Variants in TSPYL5 observed in about 807,000 individuals in gnomAD.
The protein encoded by TSPYL5 is TSPY like 5.
For synonymous variants in TSPYL5, 276 were observed against 236.1 expected (o/e 1.17, Z -1.55); for missense variants, 556 against 555.5 (o/e 1.00, Z -0.01).
chr8:97,276,776 G>A lies in TSPYL5; in HGVS notation c.1069C>T (p.His357Tyr), dbSNP rs146249822. The A allele has an allele frequency of 6.2e-7, 1 of 1,614,152 alleles. No homozygotes were observed. The highest frequency in any genetic ancestry group is 1.3e-5 in the African/African-American group (1 of 75,034). The change falls in exon 1 of 1, where the codon CAC (histidine) becomes TAC (tyrosine). Residue 357 changes from histidine to tyrosine, a missense_variant. By Grantham distance (83) the His-to-Tyr change is moderately conservative. Coordinates refer to ENST00000322128, the MANE Select transcript of TSPYL5 (RefSeq NM_033512.3). ...NRSFFGWFSN[H>Y]SSIESDKIVE... ...ATCTTGTCAGACTCAATGGAGCTGT[G>A]GTTTGAAAACCACCCAAAGAAACTA...
In TSPYL5 at chr8:97,277,626, G is replaced by C; in HGVS notation, c.219C>G (p.Leu73=). The change falls in exon 1 of 1, where the codon CTC becomes CTG. Residue 73 remains leucine (L), a synonymous_variant. Transcript: ENST00000322128. This position sits in a 1 kb window ranked among gnomAD's most constrained non-coding sequence, Gnocchi z 4.5. The part of the protein sequence containing the change: ...EAAASAQLLR[L]GEEAACRLPL... ...GGAGCCGGCAGGCGGCCTCCTCCCC[G>C]AGCCGGAGGAGCTGCGCGGACGCAG... 6.9e-7 allele frequency: 1 copy of C among 1,441,846 alleles called. No homozygotes were observed. The highest frequency in any genetic ancestry group is 9.1e-7 in the Non-Finnish European group (1 of 1,100,250). 89.3% of individuals were successfully genotyped at this position (1,441,846 alleles called of 1,614,324 possible).
In TSPYL5 at chr8:97,276,876, A is replaced by G. The variant is rs1402304127; in HGVS notation, c.969T>C (p.Ser323=). The change falls in exon 1 of 1, where the codon TCT becomes TCC. Residue 323 remains serine, a synonymous_variant. Coordinates refer to ENST00000322128, the MANE Select transcript of TSPYL5 (RefSeq NM_033512.3). ...GGAGCCACTGGATTGGAGTAGAACGAGACACCACCTGGCCAGAAGGACCAC... is the reference window on the plus strand; with the variant it reads ...GGAGCCACTGGATTGGAGTAGAACGGGACACCACCTGGCCAGAAGGACCAC... ...YGCGPSGQVV[S]RSTPIQWLPG... 3 of 1,614,080 alleles carry G rather than the reference A, an allele frequency of 1.9e-6. No homozygotes were observed.
At position 97,277,910 on chromosome 8, in the gene TSPYL5, C is replaced by A. The variant is rs1461277884; in HGVS notation, c.-66G>T. The A allele has an allele frequency of 2.3e-6, 3 of 1,315,392 alleles. No individual in the cohort carries two copies. In the South Asian group the frequency reaches 6.5e-5, roughly 28 times the overall value. The allele number at this position is 1,315,392 out of a possible 1,614,324, so 81.5% of individuals were successfully genotyped here. ...GCGGCTCCTGACGCCAGCTCTCGGT[C>A]GGGACCGAGCGGGTCTCTCCACGGC... On this transcript the variant is annotated 5_prime_UTR_variant, in exon 1 of 1. Coordinates refer to ENST00000322128, the MANE Select transcript of TSPYL5 (RefSeq NM_033512.3). The surrounding 1 kb of genome is among the most constrained non-coding windows in gnomAD (Gnocchi z 4.5).
In TSPYL5 at chr8:97,277,782, G is replaced by A; in HGVS notation, c.63C>T (p.Ala21=). The change falls in exon 1 of 1, where the codon GCC becomes GCT. Residue 21 remains alanine (A), a synonymous_variant. Transcript: ENST00000322128. The surrounding 1 kb of genome is among the most constrained non-coding windows in gnomAD (Gnocchi z 4.5). ...CCGGAGCAGGGCGGACTCGGGCTTT[G>A]GCGCGGCCTTTGCCCCGGTTTTTGG... The part of the protein sequence containing the change: ...SRAKNRGKGR[A]KARVRPAPDD... 6.6e-7 allele frequency: 1 copy of A among 1,510,470 alleles called. No homozygotes were observed. Among genetic ancestry groups the A allele is most frequent in the Non-Finnish European group, 8.8e-7 (1 of 1,134,232 alleles). The allele number at this position is 1,510,470 out of a possible 1,614,324, so 93.6% of individuals were successfully genotyped here. A position where few individuals can be genotyped will look rare whatever the true frequency, so the allele number is the denominator to read the frequency against.
In TSPYL5 at chr8:97,277,164, G is replaced by T; in HGVS notation, c.681C>A (p.Ser227=). The change falls in exon 1 of 1, where the codon TCC becomes TCA. Residue 227 remains serine (S), a synonymous_variant. Coordinates refer to ENST00000322128, the MANE Select transcript of TSPYL5 (RefSeq NM_033512.3). The surrounding 1 kb of genome is among the most constrained non-coding windows in gnomAD (Gnocchi z 4.5). ...GCAGTCGCAACTGCCCAAACTTCCT[G>T]GAGAGCCGAAGGTAGGCCCTGTCCG... The part of the protein sequence containing the change: ...AQADRAYLRL[S]RKFGQLRLQH... 1 of 1,611,334 alleles carries T rather than the reference G, an allele frequency of 6.2e-7. No homozygotes were observed.
At position 97,276,682 on chromosome 8, in the gene TSPYL5, C is replaced by G. The variant is rs768441495; in HGVS notation, c.1163G>C (p.Arg388Pro). The G allele has an allele frequency of 1.2e-5, 19 of 1,614,072 alleles. No homozygotes were observed. In the East Asian group the frequency reaches 3.1e-4, roughly 26 times the overall value. ...TTCTTTTTCCTTTCCTTTCTCTACA[C>G]GAGCCCCTTCACTCAAAAGGTAGAA... is the stretch of plus-strand genomic sequence containing the variant. ...LQFYLLSEGA[R>P]VEKGKEKEGR... The change falls in exon 1 of 1, where the codon CGT (arginine) becomes CCT (proline). Residue 388 changes from arginine (R) to proline (P), a missense_variant. Physicochemically the swap from Arg to Pro is moderately radical, Grantham distance 103. Coordinates refer to ENST00000322128, the MANE Select transcript of TSPYL5 (RefSeq NM_033512.3).
chr8:97,277,380 G>A lies in TSPYL5; in HGVS notation c.465C>T (p.Thr155=), dbSNP rs201319684. 292 of 1,595,258 alleles carry A rather than the reference G, an allele frequency of 1.8e-4. No homozygotes were observed. Among genetic ancestry groups the A allele is most frequent in the South Asian group, 1.0e-3 (89 of 88,102 alleles). The change falls in exon 1 of 1, where the codon ACC becomes ACT. Residue 155 remains threonine, a synonymous_variant. Transcript: ENST00000322128. This position sits in a 1 kb window ranked among gnomAD's most constrained non-coding sequence, Gnocchi z 4.5. The stretch of plus-strand genomic sequence containing the variant: ...CTATGACCTGAGGCCCCCTCCCCGC[G>A]GTGCTACAGGTTTCTGGGGCCTTCT... ...AGKKAPETCS[T]AGRGPQVIAG...
chr8:97,274,668 T>G lies in TSPYL5; in HGVS notation c.*1923A>C, dbSNP rs987847220. On this transcript the variant is annotated 3_prime_UTR_variant, in exon 1 of 1. Coordinates refer to ENST00000322128, the MANE Select transcript of TSPYL5 (RefSeq NM_033512.3). ...ACGGTTTTGCTCCAAATCCCCCACCTAGCACACCCTTGCTACAGCTTTAAG... is the reference window on the plus strand; with the variant it reads ...ACGGTTTTGCTCCAAATCCCCCACCGAGCACACCCTTGCTACAGCTTTAAG... 1 of 152,186 alleles carries G rather than the reference T, an allele frequency of 6.6e-6. No individual in the cohort carries two copies. Among genetic ancestry groups the G allele is most frequent in the Non-Finnish European group, 1.5e-5 (1 of 68,066 alleles). 9.4% of individuals were successfully genotyped at this position (152,186 alleles called of 1,614,324 possible).
Position 97,277,680 on chromosome 8 carries a change from A to G in TSPYL5, c.165T>C (p.Ala55=). The G allele has an allele frequency of 6.6e-7, 1 of 1,522,434 alleles. No individual in the cohort carries two copies. Among genetic ancestry groups the G allele is most frequent in the Non-Finnish European group, 8.8e-7 (1 of 1,140,366 alleles). 94.3% of individuals were successfully genotyped at this position (1,522,434 alleles called of 1,614,324 possible). A position where few individuals can be genotyped will look rare whatever the true frequency, so the allele number is the denominator to read the frequency against. Residue 55 remains alanine, a synonymous_variant, in exon 1 of 1, where the codon GCT becomes GCC. Coordinates refer to ENST00000322128, the MANE Select transcript of TSPYL5 (RefSeq NM_033512.3). The surrounding 1 kb of genome is among the most constrained non-coding windows in gnomAD (Gnocchi z 4.5). Reference sequence around the variant, plus strand: ...CTTCCAGGCCACCCCACCCCGCGCCAGCCTGCACCTGTGCCGCCTGGGTGT... The same window carrying G: ...CTTCCAGGCCACCCCACCCCGCGCCGGCCTGCACCTGTGCCGCCTGGGTGT... The part of the protein sequence containing the change: ...GEDTQAAQVQ[A]GAGWGGLEAA...
In TSPYL5 at chr8:97,276,655, C is replaced by T; in HGVS notation, c.1190G>A (p.Gly397Asp). ...ARVEKGKEKE[G>D]RQGPGKQPME... ...TGGCTGCTTTCCTGGACCTTGCCTG[C>T]CTTCTTTTTCCTTTCCTTTCTCTAC... The change falls in exon 1 of 1, where the codon GGC becomes GAC. Residue 397 changes from glycine (G) to aspartate (D), a missense_variant. Physicochemically the swap from Gly to Asp is moderately conservative, Grantham distance 94. Coordinates refer to ENST00000322128, the MANE Select transcript of TSPYL5 (RefSeq NM_033512.3). 1 of 1,614,158 alleles carries T rather than the reference C, an allele frequency of 6.2e-7. No homozygotes were observed. Among genetic ancestry groups the T allele is most frequent in the Non-Finnish European group, 8.5e-7 (1 of 1,180,024 alleles).
In TSPYL5 at chr8:97,277,858, G is replaced by A. The variant is rs770569823; in HGVS notation, c.-14C>T. Reference sequence around the variant, plus strand: ...TCGGCCGCTCATGGTGGCGGCGGAGGCAGCTTCAAAGACACGCTGTGACCC... The same window carrying A: ...TCGGCCGCTCATGGTGGCGGCGGAGACAGCTTCAAAGACACGCTGTGACCC... On this transcript the variant is annotated 5_prime_UTR_variant, in exon 1 of 1. Transcript: ENST00000322128. This position sits in a 1 kb window ranked among gnomAD's most constrained non-coding sequence, Gnocchi z 4.5. 4.9e-6 allele frequency: 7 copies of A among 1,425,314 alleles called. No individual in the cohort carries two copies. Among genetic ancestry groups the A allele is most frequent in the South Asian group, 4.7e-5 (3 of 64,060 alleles). The allele number at this position is 1,425,314 out of a possible 1,614,324, so 88.3% of individuals were successfully genotyped here. A position where few individuals can be genotyped will look rare whatever the true frequency, so the allele number is the denominator to read the frequency against.
rs758468604 is a variant in TSPYL5 at position 97,276,729 on chromosome 8, T to C, written c.1116A>G (p.Glu372=). The C allele has an allele frequency of 3.7e-6, 6 of 1,614,206 alleles. No individual in the cohort carries two copies. The South Asian group carries it at 6.6e-5, about 18-fold the overall frequency. ...AGAACTGCAAGGGATTGGGCCACAA[T>C]TCTTCGTTGATTATCTCCACAATCT... ...SDKIVEIINE[E]LWPNPLQFYL... is the part of the protein sequence containing the mutation. Residue 372 remains glutamate (E), a synonymous_variant, in exon 1 of 1, where the codon GAA becomes GAG. Coordinates refer to ENST00000322128, the MANE Select transcript of TSPYL5 (RefSeq NM_033512.3).
rs1810486525 is a variant in TSPYL5 at position 97,274,801 on chromosome 8, AG to A, written c.*1789del. The A allele has an allele frequency of 6.6e-6, 1 of 152,178 alleles. No homozygotes were observed. Among genetic ancestry groups the A allele is most frequent in the South Asian group, 2.1e-4 (1 of 4,832 alleles). The allele number at this position is 152,178 out of a possible 1,614,324, so 9.4% of individuals were successfully genotyped here. On this transcript the variant is annotated 3_prime_UTR_variant, in exon 1 of 1. Transcript: ENST00000322128. ...TCTTACCCACCCTCAGGGATAAGAG[AG>A]GGAAAGGCCCAGCTCTGCTTTTACA...
At position 97,276,996 on chromosome 8, in the gene TSPYL5, T is replaced by C. The variant is rs1810530626; in HGVS notation, c.849A>G (p.Glu283=). The change falls in exon 1 of 1, where the codon GAA becomes GAG. Residue 283 remains glutamate, a synonymous_variant. Coordinates refer to ENST00000322128, the MANE Select transcript of TSPYL5 (RefSeq NM_033512.3). ...AGCCCAATCTGGCAAGGCCGAGCTC[T>C]TCCACTTCCAAGCTGTTTAAGTAGC... The part of the protein sequence containing the change: ...VLSYLNSLEV[E]ELGLARLGYK... The C allele has an allele frequency of 6.2e-7, 1 of 1,614,148 alleles. No individual in the cohort carries two copies. Among genetic ancestry groups the C allele is most frequent in the South Asian group, 1.1e-5 (1 of 91,074 alleles).
In TSPYL5 at chr8:97,276,734, C is replaced by T. The variant is rs865786956; in HGVS notation, c.1111G>A (p.Glu371Lys). ...ESDKIVEIIN[E>K]ELWPNPLQFY... is the part of the protein sequence containing the mutation. The stretch of plus-strand genomic sequence containing the variant: ...TGCAAGGGATTGGGCCACAATTCTT[C>T]GTTGATTATCTCCACAATCTTGTCA... The change falls in exon 1 of 1, where the codon GAA (glutamate) becomes AAA (lysine). Residue 371 changes from glutamate (E) to lysine (K), a missense_variant. Glu to Lys is a moderately conservative substitution (Grantham distance 56). Coordinates refer to ENST00000322128, the MANE Select transcript of TSPYL5 (RefSeq NM_033512.3). The T allele has an allele frequency of 1.2e-6, 2 of 1,614,058 alleles. No individual in the cohort carries two copies. The highest frequency in any genetic ancestry group is 1.3e-5 in the African/African-American group (1 of 74,910).
In TSPYL5 at chr8:97,277,906, C is replaced by T; in HGVS notation, c.-62G>A. ...CCCTGCGGCTCCTGACGCCAGCTCT[C>T]GGTCGGGACCGAGCGGGTCTCTCCA... On this transcript the variant is annotated 5_prime_UTR_variant, in exon 1 of 1. Coordinates refer to ENST00000322128, the MANE Select transcript of TSPYL5 (RefSeq NM_033512.3). The surrounding 1 kb of genome is among the most constrained non-coding windows in gnomAD (Gnocchi z 4.5). The T allele has an allele frequency of 1.5e-6, 2 of 1,325,802 alleles. No homozygotes were observed. Among genetic ancestry groups the T allele is most frequent in the Non-Finnish European group, 1.9e-6 (2 of 1,038,774 alleles). 82.1% of individuals were successfully genotyped at this position (1,325,802 alleles called of 1,614,324 possible).
chr8:97,277,911 G>T lies in TSPYL5; in HGVS notation c.-67C>A. ...CGGCTCCTGACGCCAGCTCTCGGTC[G>T]GGACCGAGCGGGTCTCTCCACGGCA... On this transcript the variant is annotated 5_prime_UTR_variant, in exon 1 of 1. Transcript: ENST00000322128. This position sits in a 1 kb window ranked among gnomAD's most constrained non-coding sequence, Gnocchi z 4.5. 7 of 1,312,892 alleles carry T rather than the reference G, an allele frequency of 5.3e-6. No homozygotes were observed. Among genetic ancestry groups the T allele is most frequent in the Non-Finnish European group, 6.8e-6 (7 of 1,030,292 alleles). The allele number at this position is 1,312,892 out of a possible 1,614,324, so 81.3% of individuals were successfully genotyped here. A position where few individuals can be genotyped will look rare whatever the true frequency, so the allele number is the denominator to read the frequency against.
Position 97,277,600 on chromosome 8 carries a change from G to A in TSPYL5, c.245C>T (p.Pro82Leu). ...CCGCAGCGCGAGGCCACAGTCCAGGGGGAGCCGGCAGGCGGCCTCCTCCCC... is the reference window on the plus strand; with the variant it reads ...CCGCAGCGCGAGGCCACAGTCCAGGAGGAGCCGGCAGGCGGCCTCCTCCCC... ...RLGEEAACRL[P>L]LDCGLALRAR... Residue 82 changes from proline to leucine, a missense_variant, in exon 1 of 1, where the codon CCC becomes CTC. Pro to Leu is a moderately conservative substitution (Grantham distance 98). Coordinates refer to ENST00000322128, the MANE Select transcript of TSPYL5 (RefSeq NM_033512.3). The surrounding 1 kb of genome is among the most constrained non-coding windows in gnomAD (Gnocchi z 4.5). 1.1e-5 allele frequency: 16 copies of A among 1,438,826 alleles called. No homozygotes were observed. The highest frequency in any genetic ancestry group is 1.5e-5 in the Non-Finnish European group (16 of 1,098,566). The allele number at this position is 1,438,826 out of a possible 1,614,324, so 89.1% of individuals were successfully genotyped here. A position where few individuals can be genotyped will look rare whatever the true frequency, so the allele number is the denominator to read the frequency against.
rs1167163530 is a variant in TSPYL5, at chr8:97,277,378, G to A, written c.467C>T (p.Ala156Val). The change falls in exon 1 of 1, where the codon GCG (alanine) becomes GTG (valine). Residue 156 changes from alanine (A) to valine (V), a missense_variant. Coordinates refer to ENST00000322128, the MANE Select transcript of TSPYL5 (RefSeq NM_033512.3). The surrounding 1 kb of genome is among the most constrained non-coding windows in gnomAD (Gnocchi z 4.5). ...GKKAPETCST[A>V]GRGPQVIAGG... ...AGCTATGACCTGAGGCCCCCTCCCC[G>A]CGGTGCTACAGGTTTCTGGGGCCTT... 1.9e-6 allele frequency: 3 copies of A among 1,599,710 alleles called. No homozygotes were observed. The highest frequency in any genetic ancestry group is 1.7e-5 in the Admixed American group (1 of 57,994).
Sources: allele counts gnomAD v4.1 joint callset, GRCh38; gene constraint gnomAD v4.1.1; non-coding constraint Gnocchi (gnomAD v3.1); transcripts MANE v1.5; gene names NCBI Gene and HGNC (gene_info 2026-07-23, HGNC 2026-07-21).